The following RBMS1 variants were observed in gnomAD, a reference collection of about 807,000 sequenced individuals.
RBMS1 encodes RNA-binding motif, single-stranded-interacting protein 1.
A neutral mutation model predicts 62.3 loss-of-function variants in RBMS1; 17 were observed. The observed-to-expected ratio is 0.27, with a 90% CI of 0.19 to 0.41. The LOEUF (loss-of-function observed/expected upper bound fraction) is 0.41. Among genes scored for constraint, RBMS1 ranks in the 10% least tolerant of loss-of-function variants. The pLI is 1.00. For missense variants in RBMS1, 334 were observed against 504.5 expected (o/e 0.66, Z 3.24); for synonymous variants, 172 against 170.0 (o/e 1.01, Z -0.09).
intron 11 of RBMS1, chr2:160,278,119 G>A (rs905761668): frequency 1.0e-5 from 2 of 191,664 alleles, no homozygotes; most frequent in African/African-American, 4.8e-5. Flanking sequence ...GGAGTCCCCT[G>A]GACTTTGGTG....
intron 6 of RBMS1, among the ~76,000 whole-genome samples, chr2:160,290,686 C>T (rs554110005): frequency 6.6e-6 from 1 of 152,248 alleles, no homozygotes; most frequent in African/African-American, 2.4e-5. Flanking sequence ...CATGCATCTC[C>T]AACAGCTTGA....
At chr2:160,407,787 C>T (rs1559516546) in intron 1 of RBMS1, 9 of 981,236 alleles carry the variant, frequency 9.2e-6, no homozygotes, top group Non-Finnish European at 1.1e-5. Flanking sequence ...AGCCGCCGCC[C>T]TGCGTGCCAT....
intron 1 of RBMS1, among the ~76,000 whole-genome samples, chr2:160,482,730 T>C (rs1685421582): frequency 6.6e-6 from 1 of 152,150 alleles, no homozygotes; most frequent in Admixed American, 6.5e-5. Flanking sequence ...ATTTGCATAC[T>C]GAAAAACAAA....
At chr2:160,321,984 A>C (rs1004871886) in intron 2 of RBMS1, among the ~76,000 whole-genome samples, 2 of 152,322 alleles carry the variant, frequency 1.3e-5, no homozygotes, top group Admixed American at 1.3e-4. Context: ...TTGTTCAAAC[A>C]TTATCTTTTC....
At chr2:160,445,213 G>A (rs2105309035) in intron 1 of RBMS1, among the ~76,000 whole-genome samples, 1 of 152,230 alleles carries the variant, frequency 6.6e-6, no homozygotes, top group South Asian at 2.1e-4. Flanking sequence ...AATATTCATA[G>A]ATATTTTTTA....
chr2:160,280,164 C>T (rs1688029058), intron 10 of RBMS1, among the ~76,000 whole-genome samples: 2 of 152,024 alleles, frequency 1.3e-5, no homozygotes, highest in South Asian at 4.1e-4. Context: ...CCAAGCATTC[C>T]AAAATAGGGT....
chr2:160,392,051 A>C (rs1343293385), intron 1 of RBMS1, among the ~76,000 whole-genome samples: 1 of 152,234 alleles, frequency 6.6e-6, no homozygotes, highest in Non-Finnish European at 1.5e-5. Flanking sequence ...AATAAAACCA[A>C]GCAAAAGAAC....
intron 2 of RBMS1, among the ~76,000 whole-genome samples, chr2:160,334,791 A>T (rs1691476228): frequency 6.6e-6 from 1 of 152,160 alleles, no homozygotes; most frequent in Admixed American, 6.6e-5. Context: ...TCACCATTCC[A>T]GGCTAAGTTT....
chr2:160,286,072 C>CT (rs916306603), intron 7 of RBMS1, among the ~76,000 whole-genome samples: 1 of 151,922 alleles, frequency 6.6e-6, no homozygotes, highest in African/African-American at 2.4e-5. Context: ...GATCGTGCCA[C>CT]TGCCCTCCAG....
intron 6 of RBMS1, among the ~76,000 whole-genome samples, chr2:160,287,309 G>A (rs1688451611): frequency 6.6e-6 from 1 of 152,142 alleles, no homozygotes; most frequent in Non-Finnish European, 1.5e-5. Flanking sequence ...ACTATTCTGA[G>A]GAAGCAAAGG....
intron 10 of RBMS1, among the ~76,000 whole-genome samples, chr2:160,280,226 AT>A (rs1300500834): frequency 1.3e-5 from 2 of 152,108 alleles, no homozygotes; most frequent in Non-Finnish European, 2.9e-5. Flanking sequence ...GGATCAGTGC[AT>A]GTATATTATG....
At chr2:160,315,681 C>T (rs1247406497) in intron 3 of RBMS1, among the ~76,000 whole-genome samples, 1 of 152,168 alleles carries the variant, frequency 6.6e-6, no homozygotes, top group Non-Finnish European at 1.5e-5. Flanking sequence ...GTCTTACATG[C>T]ACTTCTGTAA....
intron 4 of RBMS1, 102 bp downstream of exon 4, chr2:160,313,054 G>A: frequency 9.2e-7 from 1 of 1,091,092 alleles, no homozygotes; most frequent in Non-Finnish European, 1.4e-6. Context: ...TGTGCTGAGT[G>A]GGATGAAGGG....
intron 1 of RBMS1, among the ~76,000 whole-genome samples, chr2:160,438,563 C>T (rs1243558939): frequency 1.3e-5 from 2 of 152,166 alleles, no homozygotes; most frequent in African/African-American, 4.8e-5. Flanking sequence ...TTTCAGAGAG[C>T]ACAGGATTGG....
chr2:160,469,416 GTCCGCCCACACAAGGTGT>G (rs1308592229), intron 1 of RBMS1, among the ~76,000 whole-genome samples: 2 of 152,130 alleles, frequency 1.3e-5, no homozygotes, highest in Non-Finnish European at 2.9e-5. Context: ...CTTCCCTGGA[GTCCGCCCACACAAGGTGT>G]CTGCAACTCG....
At chr2:160,447,210 C>T (rs1683692007) in intron 1 of RBMS1, among the ~76,000 whole-genome samples, 1 of 151,980 alleles carries the variant, frequency 6.6e-6, no homozygotes, top group Non-Finnish European at 1.5e-5. Flanking sequence ...AATGTGGCCA[C>T]CTTCTACACC....
At chr2:160,480,312 C>A (rs897925538) in intron 1 of RBMS1, among the ~76,000 whole-genome samples, 3 of 151,966 alleles carry the variant, frequency 2.0e-5, no homozygotes, top group Non-Finnish European at 4.4e-5. Context: ...GACATGCATG[C>A]AAGAAAAATT....
At chr2:160,344,396 G>C (rs1480350713) in intron 2 of RBMS1, among the ~76,000 whole-genome samples, 1 of 152,088 alleles carries the variant, frequency 6.6e-6, no homozygotes, top group East Asian at 1.9e-4. Flanking sequence ...CAGAAGATGG[G>C]CAAATATATT....
intron 1 of RBMS1, among the ~76,000 whole-genome samples, chr2:160,414,044 G>A (rs1696124323): frequency 6.6e-6 from 1 of 152,194 alleles, no homozygotes; most frequent in South Asian, 2.1e-4. Context: ...ACCTGACCCT[G>A]AATCCTGGCT....
Sources: allele counts gnomAD v4.1 joint callset (sites outside exome capture counted in the v4.1 genomes callset), GRCh38; gene constraint gnomAD v4.1.1; transcripts MANE v1.5; gene names NCBI Gene and HGNC (gene_info 2026-07-23, HGNC 2026-07-21).